CSF1R: variants seen among roughly 807,000 people sequenced by gnomAD.
CSF1R encodes the protein colony stimulating factor 1 receptor.
In CSF1R, 40 loss-of-function variants were observed where a neutral mutation model predicts 110.0. The observed-to-expected ratio is 0.36, with a 90% CI of 0.28 to 0.47. The LOEUF (loss-of-function observed/expected upper bound fraction) is 0.47. CSF1R is among the 20% of genes least tolerant of loss of function. The probability of loss-of-function intolerance (pLI) is 0.99; values close to 1 mark genes in which losing one functional copy is unlikely to be tolerated. For synonymous variants in CSF1R, 523 were observed against 503.4 expected, an observed-to-expected ratio of 1.04 and a Z score of -0.52; for missense variants, 1,052 against 1,253.0, an observed-to-expected ratio of 0.84 and a Z score of 2.42.
At position 150,070,371 on chromosome 5, in the gene CSF1R, T is replaced by C. The variant is rs1757980821; in HGVS notation, c.1199-69A>G. On this transcript the variant is annotated intron_variant, in intron 7 of 20. Coordinates refer to ENST00000675795, the MANE Select transcript of CSF1R (RefSeq NM_001288705.3). ...ACCTCCCAATCTCCCAGTACCTACT[T>C]CCCTGTGCCCTGCCCCAGTCAACCC... 6 of 1,590,354 alleles carry C rather than the reference T, an allele frequency of 3.8e-6. 1 individual carries two copies. The highest frequency in any genetic ancestry group is 5.1e-6 in the Non-Finnish European group (6 of 1,166,708).
intron 3 of CSF1R, 141 bp from the exon 4 acceptor site, chr5:150,078,389 A>G: frequency 1.2e-5 from 13 of 1,066,372 alleles, no homozygotes; most frequent in Non-Finnish European, 1.6e-5. Context: ...GGCAGCCTTG[A>G]TGCTCCCAGT....
At chr5:150,057,244 A>G (rs1757263073) in intron 16 of CSF1R, 43 bp downstream of exon 16, 1 of 1,567,290 alleles carries the variant, frequency 6.4e-7, no homozygotes, top group African/African-American at 1.4e-5. Context: ...TCCCCGGAGC[A>G]CAGACCTGGG....
chr5:150,061,454 C>T (rs747042717), intron 12 of CSF1R, 37 bp downstream of exon 12: 3 of 189,928 alleles, frequency 1.6e-5, no homozygotes, highest in South Asian at 6.9e-5. Flanking sequence ...GCATCTACCA[C>T]CCCCCATCCC....
At chr5:150,102,346 AT>A (rs1209900781) in intron 1 of CSF1R, among the ~76,000 whole-genome samples, 2 of 152,182 alleles carry the variant, frequency 1.3e-5, no homozygotes, top group African/African-American at 4.8e-5. Context: ...AAAAATGTTA[AT>A]TCGTTGAGGT....
In CSF1R at chr5:150,081,070, G is replaced by A. The variant is rs770877214; in HGVS notation, c.50-46C>T. On this transcript the variant is annotated intron_variant, in intron 1 of 20. Coordinates refer to ENST00000675795, the MANE Select transcript of CSF1R (RefSeq NM_001288705.3). Reference sequence around the variant, plus strand: ...CAGACAGAAGTGAGGTCTAGGATGCGCCCCTTGGGCCGTCCTGACTCTGAG... The same window carrying A: ...CAGACAGAAGTGAGGTCTAGGATGCACCCCTTGGGCCGTCCTGACTCTGAG... 47 of 1,600,142 alleles carry A rather than the reference G, an allele frequency of 2.9e-5. No homozygotes were observed. The Middle Eastern group carries it at 6.7e-4, about 23-fold the overall frequency.
intron 1 of CSF1R, among the ~76,000 whole-genome samples, chr5:150,106,328 C>T (rs1191601714): frequency 6.6e-6 from 1 of 152,208 alleles, no homozygotes; most frequent in African/African-American, 2.4e-5. Flanking sequence ...ACTTCACATA[C>T]TGAGAGCCTA....
At chr5:150,077,779 A>ATC (rs1561935417) in intron 4 of CSF1R, among the ~76,000 whole-genome samples, 3 of 152,244 alleles carry the variant, frequency 2.0e-5, no homozygotes, top group African/African-American at 7.2e-5. Flanking sequence ...CTGGGCTTCA[A>ATC]TGGTGGCCTA....
intron 1 of CSF1R, chr5:150,095,111 G>GAAAAA: frequency 5.0e-5 from 11 of 222,182 alleles, no homozygotes; most frequent in South Asian, 3.8e-4. Context: ...CTCTCAAATT[G>GAAAAA]GAAAAAAAAA....
chr5:150,112,939 C>T (rs1330832271), intron 1 of CSF1R, among the ~76,000 whole-genome samples: 1 of 152,194 alleles, frequency 6.6e-6, no homozygotes, highest in Non-Finnish European at 1.5e-5. Flanking sequence ...TCAGAGAGAG[C>T]AAGGGAGGGG....
rs1757037149 is a variant in CSF1R, at chr5:150,053,781, G to A, written c.*288C>T. 3.9e-6 allele frequency: 2 copies of A among 514,882 alleles called. No homozygotes were observed. The highest frequency in any genetic ancestry group is 4.3e-5 in the South Asian group (2 of 46,596). The allele number at this position is 514,882 out of a possible 1,614,324, so 31.9% of individuals were successfully genotyped here. ...GAAGATAAGGGGATTAGGAAAGAAG[G>A]TTCTACTAGTTGGCATAGCAAACAC... On this transcript the variant is annotated 3_prime_UTR_variant, in exon 21 of 21. Coordinates refer to ENST00000675795, the MANE Select transcript of CSF1R (RefSeq NM_001288705.3).
At chr5:150,092,145 C>G (rs907955276) in intron 1 of CSF1R, among the ~76,000 whole-genome samples, 3 of 152,206 alleles carry the variant, frequency 2.0e-5, no homozygotes, top group African/African-American at 7.2e-5. Context: ...CAAAAGCAGC[C>G]ATAGCCAATA....
intron 1 of CSF1R, among the ~76,000 whole-genome samples, chr5:150,105,383 TA>T (rs1215113971): frequency 0.053 from 4,077 of 76,864 alleles, 44 homozygotes; most frequent in Middle Eastern, 0.083. Flanking sequence ...TATATATATA[TA>T]TTTTTTTTTT....
chr5:150,097,617 T>C (rs1759271249), intron 1 of CSF1R, among the ~76,000 whole-genome samples: 1 of 152,080 alleles, frequency 6.6e-6, no homozygotes, highest in Non-Finnish European at 1.5e-5. Flanking sequence ...AAAATCAGAT[T>C]AAAAGTGAAA....
At chr5:150,068,432 G>T (rs763292822) in intron 9 of CSF1R, 102 bp from the exon 10 acceptor site, 14 of 726,024 alleles carry the variant, frequency 1.9e-5, no homozygotes, top group Non-Finnish European at 3.0e-5. Context: ...CTCAATAAAT[G>T]CTTGTTGACT....
At chr5:150,098,454 A>G (rs542685262) in intron 1 of CSF1R, 67 of 152,940 alleles carry the variant, frequency 4.4e-4, no homozygotes, top group Non-Finnish European at 5.7e-4. Flanking sequence ...ACAACCAGTT[A>G]CAGGTTTCTT....
intron 1 of CSF1R, among the ~76,000 whole-genome samples, chr5:150,108,070 G>A (rs1759605738): frequency 1.3e-5 from 2 of 152,132 alleles, no homozygotes; most frequent in African/African-American, 2.4e-5. Context: ...GTGAGGAGTT[G>A]GGGGAGAGAT....
intron 3 of CSF1R, among the ~76,000 whole-genome samples, chr5:150,079,603 TC>T (rs1758431263): frequency 6.6e-6 from 1 of 152,180 alleles, no homozygotes; most frequent in African/African-American, 2.4e-5. Flanking sequence ...GCTTCCGTCC[TC>T]TTTCCATACC....
chr5:150,061,880 C>T (rs202031394), intron 10 of CSF1R, 31 bp from the exon 11 acceptor site: 19 of 1,613,410 alleles, frequency 1.2e-5, no homozygotes, highest in East Asian at 1.1e-4. Context: ...ACGTGGCAGT[C>T]GGGGCTGGCA....
At chr5:150,082,994 C>A (rs1015890634) in intron 1 of CSF1R, among the ~76,000 whole-genome samples, 1 of 152,164 alleles carries the variant, frequency 6.6e-6, no homozygotes, top group African/African-American at 2.4e-5. Flanking sequence ...CTAGACCCTG[C>A]CTTGGCCTCC....
Sources: allele counts gnomAD v4.1 joint callset (sites outside exome capture counted in the v4.1 genomes callset), GRCh38; gene constraint gnomAD v4.1.1; transcripts MANE v1.5; gene names NCBI Gene and HGNC (gene_info 2026-07-23, HGNC 2026-07-21).